The following OXR1 variants were observed in gnomAD, a reference collection of about 807,000 sequenced individuals.
OXR1 encodes oxidation resistance 1.
OXR1 carries 41 observed loss-of-function variants against 104.6 expected under a neutral mutation model. The ratio of observed to expected loss-of-function variants is 0.39; its 90% CI spans 0.31 to 0.51. The LOEUF (loss-of-function observed/expected upper bound fraction) is 0.51, where lower values mean the gene tolerates loss of function less well. Among genes scored for constraint, OXR1 ranks in the 20% least tolerant of loss-of-function variants. OXR1 has a pLI of 0.77. For synonymous variants in OXR1, 348 were observed against 348.4 expected (o/e 1.00, Z 0.01); for missense variants, 955 against 1,031.9 (o/e 0.93, Z 1.02).
chr8:106,486,545 T>C (rs1030928760), intron 2 of OXR1, among the ~76,000 whole-genome samples: 4 of 152,080 alleles, frequency 2.6e-5, no homozygotes, highest in African/African-American at 9.7e-5. Flanking sequence ...AAAATACTGG[T>C]CGTTTTGTGA....
At chr8:106,498,185 A>G (rs1156381847) in intron 2 of OXR1, among the ~76,000 whole-genome samples, 1 of 152,192 alleles carries the variant, frequency 6.6e-6, no homozygotes, top group Non-Finnish European at 1.5e-5. Context: ...TTGTAGTAAA[A>G]TATAATTTTA....
intron 3 of OXR1, among the ~76,000 whole-genome samples, chr8:106,548,011 T>C (rs1375278419): frequency 6.6e-6 from 1 of 152,170 alleles, no homozygotes; most frequent in African/African-American, 2.4e-5. Context: ...CTGGATCCTA[T>C]GGAAATTCTA....
intron 3 of OXR1, among the ~76,000 whole-genome samples, chr8:106,646,979 G>A (rs944627110): frequency 6.6e-6 from 1 of 152,188 alleles, no homozygotes; most frequent in African/African-American, 2.4e-5. Flanking sequence ...CACATTCCAG[G>A]TATGGAGTAT....
intron 3 of OXR1, among the ~76,000 whole-genome samples, chr8:106,533,901 C>A (rs1436550739): frequency 6.6e-6 from 1 of 151,898 alleles, no homozygotes; most frequent in Non-Finnish European, 1.5e-5. Flanking sequence ...TTAGTAGAGA[C>A]AGGGCTTTTC....
chr8:106,449,014 C>T (rs1820164229), intron 2 of OXR1, among the ~76,000 whole-genome samples: 1 of 152,084 alleles, frequency 6.6e-6, no homozygotes, highest in African/African-American at 2.4e-5. Context: ...AAGTTGAGTA[C>T]TTAACCAGAT....
chr8:106,297,143 G>A (rs1028661914), intron 1 of OXR1, among the ~76,000 whole-genome samples: 5 of 152,094 alleles, frequency 3.3e-5, no homozygotes, highest in South Asian at 2.1e-4. Context: ...ATAGCAATCC[G>A]TGTGGCTGAT....
chr8:106,546,223 T>C (rs899107300), intron 3 of OXR1, among the ~76,000 whole-genome samples: 1 of 152,190 alleles, frequency 6.6e-6, no homozygotes, highest in African/African-American at 2.4e-5. Context: ...ACAGTTTTTG[T>C]TAGATACCTC....
At chr8:106,435,314 A>T (rs1188431147) in intron 2 of OXR1, among the ~76,000 whole-genome samples, 1 of 152,116 alleles carries the variant, frequency 6.6e-6, no homozygotes, top group Non-Finnish European at 1.5e-5. Flanking sequence ...CTTGGCAGCA[A>T]CACCTTACTT....
chr8:106,370,677 C>T (rs2130373919), intron 2 of OXR1, among the ~76,000 whole-genome samples: 1 of 152,218 alleles, frequency 6.6e-6, no homozygotes, highest in South Asian at 2.1e-4. Context: ...GTCTTTGGTT[C>T]TGTTTATGTG....
At chr8:106,348,893 T>G (rs1815607873) in intron 1 of OXR1, among the ~76,000 whole-genome samples, 1 of 152,116 alleles carries the variant, frequency 6.6e-6, no homozygotes, top group Admixed American at 6.5e-5. Context: ...CCAAGCGTAA[T>G]AGTTAGGTTG....
intron 1 of OXR1, among the ~76,000 whole-genome samples, chr8:106,295,539 T>C (rs1812958796): frequency 6.6e-6 from 1 of 152,122 alleles, no homozygotes; most frequent in Admixed American, 6.6e-5. Context: ...AGATTTGAGG[T>C]GCTGGGATCT....
At chr8:106,286,825 C>T (rs2938303) in intron 1 of OXR1, among the ~76,000 whole-genome samples, 45,610 of 151,972 alleles carry the variant, frequency 0.3, 7,139 homozygotes, top group East Asian at 0.56. Flanking sequence ...TTACAACTCC[C>T]GTAATGGTCT....
In OXR1 at chr8:106,671,816, C is replaced by T. The variant is rs1181707452; in HGVS notation, c.221-7394C>T. ...GGGAACATCACACACCAGGGCCTGT[C>T]GTGGGGTGGGGGGAGGGGGGAGGGA... is the stretch of plus-strand genomic sequence containing the variant. On this transcript the variant is annotated intron_variant, in intron 3 of 16. Coordinates refer to ENST00000517566, the MANE Select transcript of OXR1 (RefSeq NM_001198533.2). 1.1e-4 allele frequency among the ~76,000 whole-genome samples: 11 copies of T among 96,386 alleles called. No individual in the cohort carries two copies. In the East Asian group the frequency reaches 1.2e-3, roughly 11 times the overall value. The allele number at this position is 96,386 out of a possible 152,430, so 63.2% of individuals were successfully genotyped here.
At chr8:106,617,149 C>CT (rs1326704371) in intron 3 of OXR1, among the ~76,000 whole-genome samples, 8 of 152,286 alleles carry the variant, frequency 5.3e-5, no homozygotes, top group South Asian at 2.1e-4. Context: ...TAAAAGGGGG[C>CT]TAAGGGCTCA....
chr8:106,534,176 T>C (rs988951516), intron 3 of OXR1, among the ~76,000 whole-genome samples: 4 of 152,202 alleles, frequency 2.6e-5, no homozygotes, highest in African/African-American at 9.7e-5. Context: ...TCTGCATTTG[T>C]AACGAGATTC....
At chr8:106,665,911 C>G (rs1826262420) in intron 3 of OXR1, among the ~76,000 whole-genome samples, 1 of 151,824 alleles carries the variant, frequency 6.6e-6, no homozygotes. Flanking sequence ...GTTGCTTAGG[C>G]AGCCAGGAGA....
chr8:106,684,803 A>T (rs1215217075), intron 6 of OXR1, among the ~76,000 whole-genome samples: 3 of 152,208 alleles, frequency 2.0e-5, no homozygotes, highest in Admixed American at 6.5e-5. Context: ...CCAAGAATTG[A>T]CATAGTAGAT....
chr8:106,551,825 C>CATATATATAT (rs750656492), intron 3 of OXR1, among the ~76,000 whole-genome samples: 1 of 138,960 alleles, frequency 7.2e-6, no homozygotes, highest in East Asian at 2.1e-4. Flanking sequence ...CACACACACA[C>CATATATATAT]ACATATATAT....
chr8:106,668,579 A>G (rs1024241325), intron 3 of OXR1, among the ~76,000 whole-genome samples: 1 of 152,146 alleles, frequency 6.6e-6, no homozygotes, highest in African/African-American at 2.4e-5. Context: ...TTTGGCTCCA[A>G]ACACTTCCAC....
Sources: gnomAD v4.1 joint callset for allele counts (sites outside exome capture counted in the v4.1 genomes callset) on GRCh38, gnomAD v4.1.1 for gene constraint, MANE v1.5 for transcripts, NCBI Gene and HGNC (gene_info 2026-07-23, HGNC 2026-07-21) for gene names.